The following ZNRF1 variants were observed in gnomAD, a reference collection of about 807,000 sequenced individuals.
The protein encoded by ZNRF1 is zinc and ring finger 1.
ZNRF1 carries 3 observed loss-of-function variants against 18.4 expected under a neutral mutation model. The ratio of observed to expected loss-of-function variants is 0.16; its 90% CI spans 0.07 to 0.42. ZNRF1 has a LOEUF of 0.42. ZNRF1 is among the 10% of genes least tolerant of loss of function. The pLI is 0.99. For missense variants in ZNRF1, 310 were observed against 329.8 expected (o/e 0.94, Z 0.47); for synonymous variants, 157 against 144.2 (o/e 1.09, Z -0.64).
At chr16:75,097,459 C>T (rs956135823) in intron 2 of ZNRF1, among the ~76,000 whole-genome samples, 6 of 152,176 alleles carry the variant, frequency 3.9e-5, no homozygotes, top group African/African-American at 1.4e-4. Flanking sequence ...ATGCCCTCTT[C>T]CTCCCCTCTG....
chr16:75,071,958 AT>A (rs915340584), intron 1 of ZNRF1, among the ~76,000 whole-genome samples: 3 of 151,694 alleles, frequency 2.0e-5, no homozygotes, highest in Non-Finnish European at 4.4e-5. Flanking sequence ...TTTATTTTTT[AT>A]TATTTTTGAG....
intron 1 of ZNRF1, among the ~76,000 whole-genome samples, chr16:75,026,045 G>C (rs1567469980): frequency 2.6e-5 from 4 of 152,190 alleles, no homozygotes; most frequent in Non-Finnish European, 5.9e-5. Flanking sequence ...ATCCCACAGA[G>C]GGGTCTTGTG....
chr16:75,069,639 C>A (rs1358746246), intron 1 of ZNRF1, among the ~76,000 whole-genome samples: 2 of 152,194 alleles, frequency 1.3e-5, no homozygotes, highest in African/African-American at 4.8e-5. Flanking sequence ...GTCTCAAACT[C>A]CTGACCTCGT....
At chr16:75,020,847 A>G (rs868328287) in intron 1 of ZNRF1, among the ~76,000 whole-genome samples, 2 of 151,286 alleles carry the variant, frequency 1.3e-5, no homozygotes, top group African/African-American at 4.9e-5. Context: ...CGGCCCCTTC[A>G]GTCTTTTCTT....
At chr16:75,036,522 T>C (rs2035377513) in intron 1 of ZNRF1, among the ~76,000 whole-genome samples, 1 of 152,120 alleles carries the variant, frequency 6.6e-6, no homozygotes, top group Non-Finnish European at 1.5e-5. Flanking sequence ...GAATTTAAAT[T>C]AATTATCTTG....
intron 3 of ZNRF1, chr16:75,105,761 T>C (rs1281553887): frequency 6.6e-6 from 1 of 152,224 alleles, no homozygotes; most frequent in Non-Finnish European, 1.5e-5. Flanking sequence ...CAATTATCTG[T>C]CTGGTTCCTG....
intron 1 of ZNRF1, among the ~76,000 whole-genome samples, chr16:75,077,995 A>G (rs1303145451): frequency 1.3e-5 from 2 of 152,228 alleles, no homozygotes; most frequent in African/African-American, 4.8e-5. Flanking sequence ...TAAGGTAAAC[A>G]TTCACAGGTT....
At chr16:75,102,819 C>T (rs537120370) in intron 2 of ZNRF1, among the ~76,000 whole-genome samples, 4 of 152,346 alleles carry the variant, frequency 2.6e-5, no homozygotes, top group South Asian at 2.1e-4. Context: ...TGCTTTCCTC[C>T]TGGGCACCCT....
At chr16:75,003,851 G>C (rs2034884411) in intron 1 of ZNRF1, among the ~76,000 whole-genome samples, 1 of 152,172 alleles carries the variant, frequency 6.6e-6, no homozygotes, top group African/African-American at 2.4e-5. Flanking sequence ...GTCATAGTGA[G>C]GGTCTCATGA....
chr16:75,091,572 C>T (rs1196096388), intron 1 of ZNRF1, among the ~76,000 whole-genome samples: 2 of 149,132 alleles, frequency 1.3e-5, no homozygotes, highest in Non-Finnish European at 3.0e-5. Flanking sequence ...TTGCTCTGTC[C>T]CCCAGGCTGG....
At chr16:75,071,915 C>T (rs1235178802) in intron 1 of ZNRF1, among the ~76,000 whole-genome samples, 2 of 152,150 alleles carry the variant, frequency 1.3e-5, no homozygotes, top group East Asian at 3.9e-4. Context: ...ACCTAGGGTA[C>T]CCCTTGTCTG....
chr16:75,073,118 ATCTCTCTC>A (rs374451771), intron 1 of ZNRF1, among the ~76,000 whole-genome samples: 19 of 128,444 alleles, frequency 1.5e-4, no homozygotes, highest in African/African-American at 5.4e-4. Context: ...GTGAGACCCC[ATCTCTCTC>A]TCTCTCTCTC....
intron 1 of ZNRF1, among the ~76,000 whole-genome samples, chr16:75,013,319 G>C (rs984927303): frequency 1.3e-5 from 2 of 151,790 alleles, no homozygotes; most frequent in Non-Finnish European, 2.9e-5. Context: ...CCAGCCTGGA[G>C]CCCTGACTCT....
intron 1 of ZNRF1, among the ~76,000 whole-genome samples, chr16:75,003,214 G>A (rs967811576): frequency 1.3e-5 from 2 of 152,260 alleles, no homozygotes; most frequent in East Asian, 3.9e-4. Context: ...TGCCTGACCC[G>A]GCCTCCCAAA....
At chr16:75,019,373 G>C (rs1333711143) in intron 1 of ZNRF1, among the ~76,000 whole-genome samples, 1 of 152,048 alleles carries the variant, frequency 6.6e-6, no homozygotes, top group Non-Finnish European at 1.5e-5. Flanking sequence ...TCTTGAGACA[G>C]GGTCTTCCCA....
chr16:75,064,706 C>T (rs1293233450), intron 1 of ZNRF1, among the ~76,000 whole-genome samples: 1 of 152,222 alleles, frequency 6.6e-6, no homozygotes. Flanking sequence ...CTCCTACTCA[C>T]TTGCCCCACT....
chr16:75,096,231 A>G (rs1490448376), intron 2 of ZNRF1, among the ~76,000 whole-genome samples: 1 of 152,182 alleles, frequency 6.6e-6, no homozygotes, highest in Non-Finnish European at 1.5e-5. Flanking sequence ...TGCTTTGTTC[A>G]GAAACAATGG....
rs936988636 is a variant in ZNRF1 at position 75,023,558 on chromosome 16, C to T, written c.424+23463C>T. On this transcript the variant is annotated intron_variant, in intron 1 of 4. Transcript: ENST00000335325. ...AATTAGTTGGGCGTGGTGGCAGGCA[C>T]CTGTAATCCCAGCTACTCGGGAGGC... Among the ~76,000 whole-genome samples the T allele has an allele frequency of 5.9e-5, 9 of 152,222 alleles. No individual in the cohort carries two copies. The East Asian group carries it at 1.2e-3, about 20-fold the overall frequency.
Position 74,999,916 on chromosome 16 carries a change from C to A in ZNRF1, c.245C>A (p.Ser82Tyr). Reference sequence around the variant, plus strand: ...CCCGCCTCCCGGGGCACCGGCGACTCCGAGAGGGCGCCCGGCGGCGGAGGG... The same window carrying A: ...CCCGCCTCCCGGGGCACCGGCGACTACGAGAGGGCGCCCGGCGGCGGAGGG... ...YTPASRGTGDSERAPGGGGSA... is the reference protein window; with the variant it reads ...YTPASRGTGDYERAPGGGGSA... Residue 82 changes from serine (S) to tyrosine (Y), a missense_variant, in exon 1 of 5, where the codon TCC (serine) becomes TAC (tyrosine). Physicochemically the swap from Ser to Tyr is moderately radical, Grantham distance 144. Transcript: ENST00000335325. 1 of 1,554,928 alleles carries A rather than the reference C, an allele frequency of 6.4e-7. No individual in the cohort carries two copies. Among genetic ancestry groups the A allele is most frequent in the East Asian group, 2.4e-5 (1 of 42,000 alleles).
Sources: allele counts gnomAD v4.1 joint callset (sites outside exome capture counted in the v4.1 genomes callset), GRCh38; gene constraint gnomAD v4.1.1; transcripts MANE v1.5; gene names NCBI Gene and HGNC (gene_info 2026-07-23, HGNC 2026-07-21).